Variants in DYNLT2 observed in about 807,000 individuals in gnomAD.
The protein encoded by DYNLT2 is dynein light chain Tctex-type 2.
Under a neutral mutation model 24.3 loss-of-function variants are expected in DYNLT2, and 24 were observed. The ratio of observed to expected loss-of-function variants is 0.99; its 90% CI spans 0.71 to 1.39. The LOEUF (loss-of-function observed/expected upper bound fraction) is 1.39. Among genes scored for constraint, DYNLT2 ranks in the 40% most tolerant of loss-of-function variants. DYNLT2 has a pLI of 0.00. For missense variants in DYNLT2, 246 were observed against 234.5 expected, an observed-to-expected ratio of 1.05 and a Z score of -0.32; for synonymous variants, 85 against 85.4, an observed-to-expected ratio of 1.00 and a Z score of 0.03.
At chr6:169,751,160 G>A (rs1442072489) in intron 1 of DYNLT2, 179 bp downstream of exon 1, 11 of 917,788 alleles carry the variant, frequency 1.2e-5, no homozygotes, top group South Asian at 3.5e-5. Context: ...AAGTCCAAAG[G>A]GGACTGCCCA....
Position 169,744,096 on chromosome 6 carries a change from A to G in DYNLT2, c.299T>C (p.Val100Ala). 1 of 1,612,754 alleles carries G rather than the reference A, an allele frequency of 6.2e-7. No individual in the cohort carries two copies. Among genetic ancestry groups the G allele is most frequent in the Non-Finnish European group, 8.5e-7 (1 of 1,179,968 alleles). The change falls in exon 2 of 4, where the codon GTA becomes GCA. Residue 100 changes from valine (V) to alanine (A), a missense_variant. Physicochemically the swap from Val to Ala is moderately conservative, Grantham distance 64 (BLOSUM62 0). Coordinates refer to ENST00000366774, the MANE Select transcript of DYNLT2 (RefSeq NM_174910.3). ...TAGTATCTGCTGGACTTTAGTTTCTACTGAATGAGCTTGGAATTTCTTCAA... is the reference window on the plus strand; with the variant it reads ...TAGTATCTGCTGGACTTTAGTTTCTGCTGAATGAGCTTGGAATTTCTTCAA... ...EPLKKFQAHS[V>A]ETKVQQILTE...
chr6:169,725,625 G>T, the DYNLT2 span: 4 of 264,840 alleles, frequency 1.5e-5, no homozygotes, highest in South Asian at 1.8e-4. Context: ...TCAGGGTAGA[G>T]TTTAGCGGTT....
downstream of DYNLT2, among the ~76,000 whole-genome samples, chr6:169,738,194 G>A (rs1011983856): frequency 4.6e-5 from 7 of 152,200 alleles, no homozygotes; most frequent in African/African-American, 1.4e-4. Flanking sequence ...ATAGAAATGG[G>A]TGCTGCCCTT....
At chr6:169,739,475 C>T (rs564193680), downstream of DYNLT2, among the ~76,000 whole-genome samples, 9 of 152,142 alleles carry the variant, frequency 5.9e-5, no homozygotes, top group Non-Finnish European at 1.3e-4. Context: ...AATGAATGTA[C>T]GTGGAAGTCT....
At chr6:169,729,829 C>T in the DYNLT2 span, among the ~76,000 whole-genome samples, 1 of 149,890 alleles carries the variant, frequency 6.7e-6, no homozygotes, top group African/African-American at 2.5e-5. Context: ...CAGGTAAGGA[C>T]ATAACCAGGA....
At chr6:169,750,566 GTC>G (rs1789970347) in intron 1 of DYNLT2, 1 of 152,086 alleles carries the variant, frequency 6.6e-6, no homozygotes, top group Non-Finnish European at 1.5e-5. Context: ...CCTATTATAG[GTC>G]CACGAAGTAA....
intron 1 of DYNLT2, among the ~76,000 whole-genome samples, chr6:169,745,554 A>G (rs1181768534): frequency 6.6e-6 from 1 of 152,122 alleles, no homozygotes; most frequent in Non-Finnish European, 1.5e-5. Flanking sequence ...TATTTCATTT[A>G]GTTAATGTGG....
In DYNLT2 at chr6:169,744,098, T is replaced by C. The variant is rs2274954; in HGVS notation, c.297A>G (p.Ser99=). Residue 99 remains serine, a synonymous_variant, in exon 2 of 4, where the codon TCA becomes TCG. Transcript: ENST00000366774. ...MEPLKKFQAH[S]VETKVQQILT... ...GTATCTGCTGGACTTTAGTTTCTACTGAATGAGCTTGGAATTTCTTCAATG... is the reference window on the plus strand; with the variant it reads ...GTATCTGCTGGACTTTAGTTTCTACCGAATGAGCTTGGAATTTCTTCAATG... 59,587 of 1,612,708 alleles carry C rather than the reference T, an allele frequency of 0.037. 3,112 individuals are homozygous for C. Among genetic ancestry groups the C allele is most frequent in the Admixed American group, 0.16 (9,770 of 60,006 alleles).
At chr6:169,730,151 G>C in the DYNLT2 span, among the ~76,000 whole-genome samples, 61,408 of 152,078 alleles carry the variant, frequency 0.4, 14,491 homozygotes, top group East Asian at 0.94. Context: ...TGAATATTCT[G>C]AAAGTGAAAA....
chr6:169,749,907 A>C (rs1210409076), intron 1 of DYNLT2: 1 of 152,242 alleles, frequency 6.6e-6, no homozygotes, highest in African/African-American at 2.4e-5. Context: ...AGCTACCTTA[A>C]ATTAGAAATA....
chr6:169,742,437 C>T (rs571174800), intron 3 of DYNLT2, among the ~76,000 whole-genome samples: 4 of 152,172 alleles, frequency 2.6e-5, no homozygotes, highest in African/African-American at 9.6e-5. Flanking sequence ...AATCATGGTC[C>T]GTGTTTTATC....
chr6:169,738,015 T>C (rs2128334810), downstream of DYNLT2, among the ~76,000 whole-genome samples: 1 of 152,094 alleles, frequency 6.6e-6, no homozygotes, highest in East Asian at 1.9e-4. Context: ...CTGGAGTTAT[T>C]GGAGATCCTG....
chr6:169,749,393 C>T (rs193239788), intron 1 of DYNLT2: 4 of 152,354 alleles, frequency 2.6e-5, no homozygotes, highest in South Asian at 2.1e-4. Context: ...GCCACTGCAC[C>T]CGGCTGTATT....
chr6:169,726,467 G>T, the DYNLT2 span, among the ~76,000 whole-genome samples: 1 of 152,218 alleles, frequency 6.6e-6, no homozygotes, highest in African/African-American at 2.4e-5. Context: ...AGGCTGAGGG[G>T]TGGGAAAATA....
the DYNLT2 span, among the ~76,000 whole-genome samples, chr6:169,730,917 G>C: frequency 6.6e-6 from 1 of 152,114 alleles, no homozygotes; most frequent in South Asian, 2.1e-4. Context: ...TGGTTCAAAA[G>C]TTATGTATCT....
chr6:169,745,267 G>T (rs556687443), intron 1 of DYNLT2, among the ~76,000 whole-genome samples: 85 of 151,668 alleles, frequency 5.6e-4, no homozygotes, highest in Non-Finnish European at 6.6e-4. Flanking sequence ...TAATTTTTTT[G>T]TTGTTGTTGT....
chr6:169,728,558 C>T, the DYNLT2 span, among the ~76,000 whole-genome samples: 1 of 152,094 alleles, frequency 6.6e-6, no homozygotes. Context: ...GCAAAGTGAT[C>T]TTAATAATCA....
chr6:169,741,528 T>C (rs1390223012), intron 3 of DYNLT2, among the ~76,000 whole-genome samples: 1 of 152,194 alleles, frequency 6.6e-6, no homozygotes, highest in Non-Finnish European at 1.5e-5. Context: ...AATACATGGC[T>C]GTTGTTATAA....
chr6:169,739,208 C>CT (rs557162178), downstream of DYNLT2, among the ~76,000 whole-genome samples: 13,301 of 131,436 alleles, frequency 0.1, 751 homozygotes, highest in African/African-American at 0.11. Context: ...CAATTTTCTC[C>CT]TTTTTTTTTT....
Sources: gnomAD v4.1 joint callset for allele counts (sites outside exome capture counted in the v4.1 genomes callset) on GRCh38, gnomAD v4.1.1 for gene constraint, MANE v1.5 for transcripts, NCBI Gene and HGNC (gene_info 2026-07-23, HGNC 2026-07-21) for gene names.